KAT6A: variants seen among roughly 807,000 people sequenced by gnomAD.
The protein encoded by KAT6A is histone acetyltransferase KAT6A.
KAT6A carries 9 observed loss-of-function variants against 198.4 expected under a neutral mutation model. The ratio of observed to expected loss-of-function variants is 0.05; its 90% CI spans 0.03 to 0.08. KAT6A has a LOEUF of 0.08. Among genes scored for constraint, KAT6A ranks in the 10% least tolerant of loss-of-function variants. KAT6A has a pLI of 1.00. For missense variants in KAT6A, 2,077 were observed against 2,509.9 expected (o/e 0.83, Z 3.69); for synonymous variants, 890 against 883.0 (o/e 1.01, Z -0.14).
rs756783340 is a variant in KAT6A at position 41,932,669 on chromosome 8, C to T, written c.5551G>A (p.Val1851Met). Reference protein sequence around the residue: ...HTQRLQGQMPVKGHISIRSKS... With the variant: ...HTQRLQGQMPMKGHISIRSKS... ...GAGCGGATGGAAATGTGCCCCTTCA[C>T]TGGCATTTGCCCTTGCAATCTCTGC... The change falls in exon 17 of 17, where the codon GTG becomes ATG. Residue 1851 changes from valine to methionine, a missense_variant. By Grantham distance (21) the Val-to-Met change is conservative. Transcript: ENST00000265713. 6.2e-7 allele frequency: 1 copy of T among 1,614,260 alleles called. No individual in the cohort carries two copies. The highest frequency in any genetic ancestry group is 8.5e-7 in the Non-Finnish European group (1 of 1,180,048).
In KAT6A at chr8:42,049,093, G is replaced by A. The variant is rs575010349; in HGVS notation, c.-116C>T. 1 of 1,103,440 alleles carries A rather than the reference G, an allele frequency of 9.1e-7. No individual in the cohort carries two copies. The highest frequency in any genetic ancestry group is 1.3e-6 in the Non-Finnish European group (1 of 772,828). The allele number at this position is 1,103,440 out of a possible 1,614,324, so 68.4% of individuals were successfully genotyped here. ...TGGGAACCAGTTAACCATAGCATAT[G>A]AGTTTTCTGGCCTAAGTCCTTCCTC... On this transcript the variant is annotated 5_prime_UTR_variant, in exon 2 of 17. Coordinates refer to ENST00000265713, the MANE Select transcript of KAT6A (RefSeq NM_006766.5).
chr8:42,002,004 G>A (rs1441943699), intron 2 of KAT6A, among the ~76,000 whole-genome samples: 2 of 149,486 alleles, frequency 1.3e-5, no homozygotes, highest in African/African-American at 2.5e-5. Context: ...ATAATAAAAC[G>A]AGAGATAAGA....
At chr8:42,016,798 G>C (rs945333468) in intron 2 of KAT6A, among the ~76,000 whole-genome samples, 3 of 151,976 alleles carry the variant, frequency 2.0e-5, no homozygotes, top group African/African-American at 7.2e-5. Context: ...AATTTTATCA[G>C]CCTTCACATT....
At chr8:41,948,456 T>C (rs1432010092) in intron 10 of KAT6A, among the ~76,000 whole-genome samples, 2 of 152,094 alleles carry the variant, frequency 1.3e-5, no homozygotes, top group East Asian at 3.9e-4. Flanking sequence ...AGCAATCATG[T>C]GGTAAATGAG....
At chr8:41,995,386 C>T (rs939989555) in intron 2 of KAT6A, among the ~76,000 whole-genome samples, 5 of 152,112 alleles carry the variant, frequency 3.3e-5, no homozygotes, top group African/African-American at 7.2e-5. Context: ...CTTGTGTCGT[C>T]GGTTGCCCTA....
chr8:41,995,311 G>C (rs944956332), intron 2 of KAT6A, among the ~76,000 whole-genome samples: 4 of 152,168 alleles, frequency 2.6e-5, no homozygotes. Flanking sequence ...AACTAAGTAA[G>C]ATTTCTGCCA....
chr8:41,965,387 T>A (rs1180097965), intron 8 of KAT6A, among the ~76,000 whole-genome samples: 2 of 152,230 alleles, frequency 1.3e-5, no homozygotes, highest in Non-Finnish European at 2.9e-5. Context: ...TGGATGGGAC[T>A]GGGCCACAGG....
At position 41,933,056 on chromosome 8, in the gene KAT6A, C is replaced by G. The variant is rs762566606; in HGVS notation, c.5164G>C (p.Glu1722Gln). The change falls in exon 17 of 17, where the codon GAA becomes CAA. Residue 1722 changes from glutamate (E) to glutamine (Q), a missense_variant. Physicochemically the swap from Glu to Gln is conservative, Grantham distance 29 (BLOSUM62 2). Coordinates refer to ENST00000265713, the MANE Select transcript of KAT6A (RefSeq NM_006766.5). The surrounding 1 kb of genome is among the most constrained non-coding windows in gnomAD (Gnocchi z 6.2). Reference protein sequence around the residue: ...TPAPMIMEIPESGSTGNISIY... With the variant: ...TPAPMIMEIPQSGSTGNISIY... ...CTTATGTTCCCAGTGCTTCCAGATT[C>G]TGGTATCTCCATGATCATAGGAGCT... 6.2e-7 allele frequency: 1 copy of G among 1,606,410 alleles called. No homozygotes were observed. Among genetic ancestry groups the G allele is most frequent in the South Asian group, 1.1e-5 (1 of 90,858 alleles).
At chr8:42,050,773 T>A (rs552742261) in intron 1 of KAT6A, among the ~76,000 whole-genome samples, 12 of 152,138 alleles carry the variant, frequency 7.9e-5, no homozygotes, top group Non-Finnish European at 1.3e-4. Flanking sequence ...AACGTCCTAA[T>A]TGACTAAGCT....
At chr8:42,007,892 G>A (rs1825822995) in intron 2 of KAT6A, among the ~76,000 whole-genome samples, 1 of 149,934 alleles carries the variant, frequency 6.7e-6, no homozygotes, top group South Asian at 2.1e-4. Flanking sequence ...AACCAGGGAG[G>A]CGGAGCTTGC....
At chr8:41,957,015 T>C (rs756029363) in intron 8 of KAT6A, 6 of 546,970 alleles carry the variant, frequency 1.1e-5, no homozygotes, top group South Asian at 8.9e-5. Flanking sequence ...GAGGCAAGGA[T>C]CAGATAGAAA....
chr8:41,961,253 A>G (rs1823189957), intron 8 of KAT6A, among the ~76,000 whole-genome samples: 1 of 152,204 alleles, frequency 6.6e-6, no homozygotes, highest in African/African-American at 2.4e-5. Flanking sequence ...TTTGTGCCAC[A>G]CATCCTGCCT....
Position 41,994,313 on chromosome 8 carries a change from A to G in KAT6A, c.601-6750T>C, listed in dbSNP as rs190930024. Reference sequence around the variant, plus strand: ...AGTCCAATTGCTTCCATCTCAGATTAAATGCCACATGAACTACAAGGTACT... The same window carrying G: ...AGTCCAATTGCTTCCATCTCAGATTGAATGCCACATGAACTACAAGGTACT... On this transcript the variant is annotated intron_variant, in intron 2 of 16. Transcript: ENST00000265713. Among the ~76,000 whole-genome samples, 73 of 152,274 alleles carry G rather than the reference A, an allele frequency of 4.8e-4. No homozygotes were observed. The East Asian group carries it at 0.013, about 28-fold the overall frequency.
Position 41,931,757 on chromosome 8 carries a change from TG to T in KAT6A, c.*447del, listed in dbSNP as rs1244148336. The stretch of plus-strand genomic sequence containing the variant: ...GAAGTAGGAAATGAAAGGTTGGGTT[TG>T]GAGGAAAGGGTCTGGTTAACCCTTG... On this transcript the variant is annotated 3_prime_UTR_variant, in exon 17 of 17. Transcript: ENST00000265713. 1 of 202,260 alleles carries T rather than the reference TG, an allele frequency of 4.9e-6. No individual in the cohort carries two copies. The allele number at this position is 202,260 out of a possible 1,614,324, so 12.5% of individuals were successfully genotyped here.
At position 42,015,231 on chromosome 8, in the gene KAT6A, C is replaced by G. The variant is rs145560800; in HGVS notation, c.601-27668G>C. ...GCTAAAAAGAATCCGGACTACCAAGCTGGCAGCCCTATGCTACAGTAAGCA... is the reference window on the plus strand; with the variant it reads ...GCTAAAAAGAATCCGGACTACCAAGGTGGCAGCCCTATGCTACAGTAAGCA... On this transcript the variant is annotated intron_variant, in intron 2 of 16. Transcript: ENST00000265713. Among the ~76,000 whole-genome samples the G allele has an allele frequency of 4.5e-3, 691 of 152,330 alleles. 7 individuals are homozygous for G. The highest frequency in any genetic ancestry group is 0.015 in the African/African-American group (629 of 41,566).
intron 8 of KAT6A, among the ~76,000 whole-genome samples, chr8:41,967,407 TC>T (rs1318271774): frequency 2.0e-5 from 3 of 151,240 alleles, no homozygotes; most frequent in African/African-American, 4.9e-5. Flanking sequence ...TAACTCGTCA[TC>T]TAGCATTAGG....
chr8:41,933,103 C>G lies in KAT6A; in HGVS notation c.5117G>C (p.Ser1706Thr), dbSNP rs1821642041. The G allele has an allele frequency of 8.8e-6, 14 of 1,589,944 alleles. No homozygotes were observed. The highest frequency in any genetic ancestry group is 1.1e-5 in the Non-Finnish European group (13 of 1,163,496). Reference sequence around the variant, plus strand: ...AGCTGGGGTGAAACTGTTATTCATACTACACTGTGACAGCGGGGGCTGCTG... The same window carrying G: ...AGCTGGGGTGAAACTGTTATTCATAGTACACTGTGACAGCGGGGGCTGCTG... ...PQQQPPLSQC[S>T]MNNSFTPAPM... Residue 1706 changes from serine to threonine, a missense_variant, in exon 17 of 17, where the codon AGT becomes ACT. This residue lies in a region of KAT6A where 500 missense variants were observed against 577.2 expected (regional missense o/e 0.87). Transcript: ENST00000265713. The surrounding 1 kb of genome is among the most constrained non-coding windows in gnomAD (Gnocchi z 6.2).
chr8:41,945,566 G>A lies in KAT6A; in HGVS notation c.1996+1025C>T, dbSNP rs180739081. ...ATTACAGGAGTGAGCCACCACACCC[G>A]GCCCACAGTACTTCCTTATTAGCTC... On this transcript the variant is annotated intron_variant, in intron 12 of 16. Coordinates refer to ENST00000265713, the MANE Select transcript of KAT6A (RefSeq NM_006766.5). 2.1e-3 allele frequency among the ~76,000 whole-genome samples: 314 copies of A among 151,388 alleles called. 3 individuals carry two copies. Among genetic ancestry groups the A allele is most frequent in the Admixed American group, 7.2e-3 (109 of 15,198 alleles).
chr8:41,937,257 A>G lies in KAT6A; in HGVS notation c.3351T>C (p.Asp1117=). The change falls in exon 16 of 17, where the codon GAT becomes GAC. Residue 1117 remains aspartate (D), a splice_region_variant and synonymous_variant. Transcript: ENST00000265713. ...GTAAGTGAGTTCTGTAAAACATACC[A>G]TCAGCATCATCTGACTCTTCATCTT... ...EEEDEESDDA[D]DTPILKPVSL... is the part of the protein sequence containing the mutation. 5 of 1,611,280 alleles carry G rather than the reference A, an allele frequency of 3.1e-6. No homozygotes were observed. Among genetic ancestry groups the G allele is most frequent in the Non-Finnish European group, 4.2e-6 (5 of 1,178,028 alleles).
Sources: allele counts gnomAD v4.1 joint callset (sites outside exome capture counted in the v4.1 genomes callset), GRCh38; gene constraint gnomAD v4.1.1; regional missense constraint gnomAD v4.1.1; non-coding constraint Gnocchi (gnomAD v3.1); transcripts MANE v1.5; gene names NCBI Gene and HGNC (gene_info 2026-07-23, HGNC 2026-07-21).